UNC93A: variants seen among roughly 807,000 people sequenced by gnomAD.
The protein encoded by UNC93A is N-acetylglucosamine transporter UNC93A.
UNC93A carries 43 observed loss-of-function variants against 47.5 expected under a neutral mutation model. The observed-to-expected ratio is 0.91, with a 90% CI of 0.71 to 1.17. The LOEUF (loss-of-function observed/expected upper bound fraction) is 1.17. Among genes scored for constraint, UNC93A ranks in the 50% most tolerant of loss-of-function variants. UNC93A has a pLI of 0.00. For synonymous variants in UNC93A, 280 were observed against 258.0 expected (o/e 1.09, Z -0.82); for missense variants, 605 against 577.6 (o/e 1.05, Z -0.49).
chr6:167,306,141 G>A, intron 6 of UNC93A, 91 bp downstream of exon 6: 2 of 1,565,264 alleles, frequency 1.3e-6, no homozygotes, highest in South Asian at 1.1e-5. Flanking sequence ...CTGGAAAAGT[G>A]CCCCTGAAAC....
rs575414967 is a variant in UNC93A at position 167,315,312 on chromosome 6, T to C, written c.1234T>C (p.Tyr412His). ...GTTTTTGTGCGTGCACGTCAAGCTC[T>C]ACATTCTGCTGGGGGTCCTGAGCCT... ...SMFLCVHVKL[Y>H]ILLGVLSLTM... The change falls in exon 8 of 8, where the codon TAC becomes CAC. Residue 412 changes from tyrosine (Y) to histidine (H), a missense_variant. Transcript: ENST00000230256. 2.5e-6 allele frequency: 4 copies of C among 1,613,816 alleles called. No homozygotes were observed. Among genetic ancestry groups the C allele is most frequent in the Non-Finnish European group, 3.4e-6 (4 of 1,179,872 alleles).
At chr6:167,292,829 C>T (rs1783871324) in intron 1 of UNC93A, among the ~76,000 whole-genome samples, 1 of 152,190 alleles carries the variant, frequency 6.6e-6, no homozygotes, top group Non-Finnish European at 1.5e-5. Context: ...AGCCCTTTCT[C>T]TTTAGAAAGC....
chr6:167,299,864 C>A (rs1778192349), intron 4 of UNC93A, among the ~76,000 whole-genome samples: 1 of 152,190 alleles, frequency 6.6e-6, no homozygotes, highest in Non-Finnish European at 1.5e-5. Context: ...GATGTTGTGC[C>A]AAAGGGTCTG....
Position 167,276,059 on chromosome 6 carries a change from C to CTTTTT in UNC93A, c.-52+4605_-52+4606insTTTTT, listed in dbSNP as rs112367150. 2.3e-4 allele frequency among the ~76,000 whole-genome samples: 31 copies of CTTTTT among 132,312 alleles called. 5 individuals are homozygous for CTTTTT. The highest frequency in any genetic ancestry group is 2.4e-4 in the South Asian group (1 of 4,178). The allele number at this position is 132,312 out of a possible 152,430, so 86.8% of individuals were successfully genotyped here. On this transcript the variant is annotated intron_variant, in intron 1 of 3. Transcript: ENST00000503433. The stretch of plus-strand genomic sequence containing the variant: ...CTCTATGAGATCATTTTTTTCTTTT[C>CTTTTT]TTTTCTTTTTTTTTTTTTAGCTCAC...
chr6:167,301,187 G>A (rs1231103388), intron 4 of UNC93A, among the ~76,000 whole-genome samples: 3 of 152,322 alleles, frequency 2.0e-5, no homozygotes, highest in East Asian at 1.9e-4. Context: ...GCTGTCCTCC[G>A]CAGGTGGCTG....
chr6:167,300,065 A>AGAG (rs60157400), intron 4 of UNC93A, among the ~76,000 whole-genome samples: 37,278 of 147,516 alleles, frequency 0.25, 4,839 homozygotes, highest in African/African-American at 0.36. Context: ...GGTGTGGGGA[A>AGAG]GAGAAGACAG....
At position 167,305,998 on chromosome 6, in the gene UNC93A, G is replaced by A. The variant is rs372852048; in HGVS notation, c.924G>A (p.Val308=). The change falls in exon 6 of 8, where the codon GTG becomes GTA. Residue 308 remains valine, a synonymous_variant. Coordinates refer to ENST00000230256, the MANE Select transcript of UNC93A (RefSeq NM_018974.4). ...CFSATDALCS[V]LYGKVSQYTG... is the part of the protein sequence containing the mutation. The stretch of plus-strand genomic sequence containing the variant: ...CGGCCACTGACGCGCTGTGCTCCGT[G>A]TTGTATGGAAAGGTCTCGCAGTACA... 2.6e-5 allele frequency: 42 copies of A among 1,614,100 alleles called. No homozygotes were observed. Among genetic ancestry groups the A allele is most frequent in the Middle Eastern group, 1.6e-4 (1 of 6,084 alleles).
At chr6:167,282,124 T>C (rs1783644086) in intron 1 of UNC93A, among the ~76,000 whole-genome samples, 1 of 152,212 alleles carries the variant, frequency 6.6e-6, no homozygotes, top group Non-Finnish European at 1.5e-5. Flanking sequence ...GGGTGGCTTA[T>C]CGTAGACTTT....
intron 2 of UNC93A, among the ~76,000 whole-genome samples, chr6:167,295,076 C>T (rs1001961668): frequency 5.9e-5 from 9 of 152,116 alleles, no homozygotes; most frequent in African/African-American, 1.4e-4. Context: ...ACCAATGGAC[C>T]GAAAGCTGCA....
chr6:167,284,079 G>A (rs1207403394), intron 1 of UNC93A, among the ~76,000 whole-genome samples: 2 of 151,984 alleles, frequency 1.3e-5, no homozygotes, highest in Non-Finnish European at 2.9e-5. Flanking sequence ...AAACAAGTGC[G>A]AAACCCAGGG....
At chr6:167,310,172 C>A (rs904304402) in intron 7 of UNC93A, among the ~76,000 whole-genome samples, 1 of 152,228 alleles carries the variant, frequency 6.6e-6, no homozygotes, top group African/African-American at 2.4e-5. Flanking sequence ...CTGAGCTCCC[C>A]AAATGCACAT....
At chr6:167,304,684 C>T (rs1477640848) in intron 5 of UNC93A, among the ~76,000 whole-genome samples, 3 of 152,138 alleles carry the variant, frequency 2.0e-5, no homozygotes, top group Non-Finnish European at 2.9e-5. Context: ...GATTCTCCTG[C>T]CTCAGCCTCC....
intron 1 of UNC93A, among the ~76,000 whole-genome samples, chr6:167,281,762 G>C (rs184504171): frequency 1.2e-4 from 19 of 152,294 alleles, no homozygotes; most frequent in African/African-American, 4.6e-4. Flanking sequence ...AAGCCAAGCA[G>C]TGGGCTGTTC....
chr6:167,275,154 G>A (rs1468341210), intron 1 of UNC93A, among the ~76,000 whole-genome samples: 1 of 152,144 alleles, frequency 6.6e-6, no homozygotes, highest in East Asian at 1.9e-4. Flanking sequence ...GGGCTGGTGT[G>A]TCACTCTTCT....
intron 1 of UNC93A, among the ~76,000 whole-genome samples, chr6:167,283,357 A>G (rs1783664355): frequency 6.6e-6 from 1 of 152,164 alleles, no homozygotes; most frequent in Non-Finnish European, 1.5e-5. Flanking sequence ...AAGTCTGGCC[A>G]GTTGTTCCTG....
chr6:167,287,265 G>A (rs577406749), upstream of UNC93A, among the ~76,000 whole-genome samples: 1 of 152,270 alleles, frequency 6.6e-6, no homozygotes, highest in Admixed American at 6.5e-5. Flanking sequence ...CATAGAAACG[G>A]CTGCTGAGCT....
At chr6:167,313,776 G>C (rs1164180846) in intron 7 of UNC93A, among the ~76,000 whole-genome samples, 1 of 152,072 alleles carries the variant, frequency 6.6e-6, no homozygotes, top group East Asian at 1.9e-4. Flanking sequence ...GTCTCAACTT[G>C]GATTTTCTTC....
upstream of UNC93A, among the ~76,000 whole-genome samples, chr6:167,288,796 A>T (rs543502909): frequency 2.3e-4 from 35 of 152,304 alleles, no homozygotes; most frequent in Admixed American, 1.3e-4. Flanking sequence ...TGAAGAACGC[A>T]TGGCGCCTGT....
rs377435611 is a variant in UNC93A at position 167,307,877 on chromosome 6, G to T, written c.1075G>T (p.Val359Leu). 6.2e-7 allele frequency: 1 copy of T among 1,613,920 alleles called. No individual in the cohort carries two copies. The highest frequency in any genetic ancestry group is 8.5e-7 in the Non-Finnish European group (1 of 1,179,882). The change falls in exon 7 of 8, where the codon GTG (valine) becomes TTG (leucine). Residue 359 changes from valine to leucine, a missense_variant. By Grantham distance (32) the Val-to-Leu change is conservative (BLOSUM62 1). Coordinates refer to ENST00000230256, the MANE Select transcript of UNC93A (RefSeq NM_018974.4). ...CTTCGTATTCTCTGGCCTGTGGGGC[G>T]TGGCAGATGCCGTCTGGCAGACACA... ...VFFVFSGLWGVADAVWQTQNN... is the reference protein window; with the variant it reads ...VFFVFSGLWGLADAVWQTQNN...
Sources: allele counts gnomAD v4.1 joint callset (sites outside exome capture counted in the v4.1 genomes callset), GRCh38; gene constraint gnomAD v4.1.1; transcripts MANE v1.5; gene names NCBI Gene and HGNC (gene_info 2026-07-23, HGNC 2026-07-21).